Variants in ZCWPW2 observed in about 807,000 individuals in gnomAD.
ZCWPW2 encodes the protein zinc finger CW-type and PWWP domain containing 2, also known as zinc finger CW-type PWWP domain protein 2.
ZCWPW2 carries 45 observed loss-of-function variants against 46.6 expected under a neutral mutation model. The ratio of observed to expected loss-of-function variants is 0.96; its 90% CI spans 0.76 to 1.24. The LOEUF is 1.24. ZCWPW2 is among the 50% of genes most tolerant of loss of function. ZCWPW2 has a pLI of 0.00. For synonymous variants in ZCWPW2, 152 were observed against 137.1 expected, an observed-to-expected ratio of 1.11 and a Z score of -0.76; for missense variants, 429 against 403.9, an observed-to-expected ratio of 1.06 and a Z score of -0.53.
At chr3:28,404,412 C>T (rs1358652278) in intron 2 of ZCWPW2, among the ~76,000 whole-genome samples, 1 of 147,814 alleles carries the variant, frequency 6.8e-6, no homozygotes, top group African/African-American at 2.4e-5. Context: ...GGGAACACTT[C>T]TACACTGCTG....
At chr3:28,385,227 C>G (rs1236233172) in intron 1 of ZCWPW2, among the ~76,000 whole-genome samples, 1 of 152,084 alleles carries the variant, frequency 6.6e-6, no homozygotes, top group African/African-American at 2.4e-5. Flanking sequence ...GGAGAAAGCT[C>G]AAAGGGACAG....
At chr3:28,430,271 A>G (rs904156821) in intron 3 of ZCWPW2, among the ~76,000 whole-genome samples, 1 of 152,206 alleles carries the variant, frequency 6.6e-6, no homozygotes, top group African/African-American at 2.4e-5. Flanking sequence ...TGAGACATGG[A>G]GTCAAAGGAG....
At position 28,361,329 on chromosome 3, in the gene ZCWPW2, G is replaced by A. The variant is rs551787937; in HGVS notation, c.-134+12126G>A. Among the ~76,000 whole-genome samples the A allele has an allele frequency of 1.9e-4, 29 of 152,222 alleles. No individual in the cohort carries two copies. In the South Asian group the frequency reaches 2.3e-3, roughly 12 times the overall value. ...TTGAGAAAACTGGATATTCACATGC[G>A]AAAGAATGAAATTGGACCTTTATCT... On this transcript the variant is annotated intron_variant, in intron 1 of 9. Transcript: ENST00000383768.
chr3:28,504,083 G>A (rs1256895339), intron 6 of ZCWPW2, among the ~76,000 whole-genome samples: 1 of 151,900 alleles, frequency 6.6e-6, no homozygotes, highest in Non-Finnish European at 1.5e-5. Flanking sequence ...TGTGGTCCCA[G>A]CTACTCAAGA....
At position 28,521,060 on chromosome 3, in the gene ZCWPW2, G is replaced by A. The variant is rs1323859943; in HGVS notation, c.853G>A (p.Ala285Thr). The change falls in exon 9 of 10, where the codon GCC (alanine) becomes ACC (threonine). Residue 285 changes from alanine to threonine, a missense_variant. Physicochemically the swap from Ala to Thr is moderately conservative, Grantham distance 58. Transcript: ENST00000383768. ...QMLQQALQPT[A>T]TPDESEEGHG... ...GCTGCAGCAAGCACTGCAACCCACA[G>A]CCACACCTGATGAATCAGAAGAAGG... The A allele has an allele frequency of 6.2e-6, 10 of 1,611,296 alleles. No homozygotes were observed. The highest frequency in any genetic ancestry group is 2.7e-5 in the African/African-American group (2 of 74,718).
chr3:28,363,982 T>A (rs1705031850), intron 1 of ZCWPW2, among the ~76,000 whole-genome samples: 1 of 152,182 alleles, frequency 6.6e-6, no homozygotes. Flanking sequence ...TCAAATTTCC[T>A]GTTAATAGCC....
At chr3:28,459,743 C>T (rs1402261372) in intron 4 of ZCWPW2, among the ~76,000 whole-genome samples, 1 of 152,120 alleles carries the variant, frequency 6.6e-6, no homozygotes, top group Non-Finnish European at 1.5e-5. Context: ...TCAGGTCTAT[C>T]ACACTGTATG....
intron 1 of ZCWPW2, among the ~76,000 whole-genome samples, chr3:28,362,062 T>C (rs1305365336): frequency 6.6e-6 from 1 of 152,174 alleles, no homozygotes; most frequent in Non-Finnish European, 1.5e-5. Flanking sequence ...CTGGAAGAGA[T>C]ATCTATATTC....
chr3:28,474,909 A>G (rs567123549), intron 4 of ZCWPW2, among the ~76,000 whole-genome samples: 3 of 151,640 alleles, frequency 2.0e-5, no homozygotes, highest in Admixed American at 6.6e-5. Context: ...GCTCACTGCA[A>G]CCTCCACCTC....
intron 4 of ZCWPW2, among the ~76,000 whole-genome samples, chr3:28,457,766 A>G (rs965981437): frequency 1.4e-4 from 22 of 152,188 alleles, no homozygotes; most frequent in Admixed American, 5.9e-4. Flanking sequence ...TACAGACCTG[A>G]TGAATTTCAG....
intron 1 of ZCWPW2, among the ~76,000 whole-genome samples, chr3:28,362,926 C>A (rs112422006): frequency 1.3e-5 from 2 of 152,124 alleles, no homozygotes; most frequent in African/African-American, 4.8e-5. Flanking sequence ...ATGGATGGAG[C>A]TGGAGGCCAT....
At chr3:28,422,707 G>A (rs1332549856) in intron 3 of ZCWPW2, among the ~76,000 whole-genome samples, 1 of 152,100 alleles carries the variant, frequency 6.6e-6, no homozygotes, top group African/African-American at 2.4e-5. Flanking sequence ...ATGTGGACCT[G>A]TTTTCAGTTC....
intron 3 of ZCWPW2, among the ~76,000 whole-genome samples, chr3:28,422,087 G>A (rs1362124105): frequency 6.6e-6 from 1 of 151,830 alleles, no homozygotes; most frequent in East Asian, 1.9e-4. Flanking sequence ...AAATTGAGTG[G>A]AAAGTATGGA....
At chr3:28,436,329 T>TTTC (rs1213559990) in intron 4 of ZCWPW2, among the ~76,000 whole-genome samples, 1 of 145,126 alleles carries the variant, frequency 6.9e-6, no homozygotes, top group Non-Finnish European at 1.5e-5. Context: ...TTTTCTTTTT[T>TTTC]TTTTTTTTTT....
intron 6 of ZCWPW2, among the ~76,000 whole-genome samples, chr3:28,506,851 G>A (rs186125164): frequency 1.4e-4 from 21 of 152,204 alleles, no homozygotes; most frequent in Admixed American, 1.0e-3. Flanking sequence ...CTGGACACTG[G>A]TCCATAGGTA....
intron 4 of ZCWPW2, among the ~76,000 whole-genome samples, chr3:28,462,652 C>A (rs1698682656): frequency 6.6e-6 from 1 of 152,130 alleles, no homozygotes; most frequent in Admixed American, 6.5e-5. Context: ...CCTGCTACAA[C>A]CCCAGGTTAT....
At chr3:28,468,292 A>C (rs1032928355) in intron 4 of ZCWPW2, among the ~76,000 whole-genome samples, 2 of 152,056 alleles carry the variant, frequency 1.3e-5, no homozygotes, top group African/African-American at 4.8e-5. Context: ...AAAAAAAAAG[A>C]ACGAAGCACA....
At chr3:28,486,560 T>A (rs1699606914) in intron 5 of ZCWPW2, among the ~76,000 whole-genome samples, 1 of 152,114 alleles carries the variant, frequency 6.6e-6, no homozygotes, top group Non-Finnish European at 1.5e-5. Flanking sequence ...GGAAAGTCTT[T>A]ATTTCTCCTT....
At chr3:28,474,315 C>A (rs940730484) in intron 4 of ZCWPW2, among the ~76,000 whole-genome samples, 1 of 152,088 alleles carries the variant, frequency 6.6e-6, no homozygotes, top group South Asian at 2.1e-4. Context: ...ACAATAACCT[C>A]CAAAATTTAA....
Sources: gnomAD v4.1 joint callset for allele counts (sites outside exome capture counted in the v4.1 genomes callset) on GRCh38, gnomAD v4.1.1 for gene constraint, MANE v1.5 for transcripts, NCBI Gene and HGNC (gene_info 2026-07-23, HGNC 2026-07-21) for gene names.